Variants in ANKFN1 observed in about 807,000 individuals in gnomAD.
ANKFN1 encodes the protein ankyrin repeat and fibronectin type-III domain-containing protein 1.
Under a neutral mutation model 108.7 loss-of-function variants are expected in ANKFN1, and 74 were observed. The observed-to-expected ratio is 0.68, with a 90% CI of 0.56 to 0.83. The LOEUF (loss-of-function observed/expected upper bound fraction) is 0.83. Ranked by LOEUF, ANKFN1 falls within the 40% of genes least tolerant of loss-of-function variation. The pLI is 0.00. For synonymous variants in ANKFN1, 547 were observed against 516.2 expected, an observed-to-expected ratio of 1.06 and a Z score of -0.81; for missense variants, 1,505 against 1,382.3, an observed-to-expected ratio of 1.09 and a Z score of -1.41.
At chr17:56,487,200 T>C (rs754077254) in intron 18 of ANKFN1, among the ~76,000 whole-genome samples, 5 of 152,190 alleles carry the variant, frequency 3.3e-5, no homozygotes, top group African/African-American at 9.7e-5. Context: ...TCCACTCCTC[T>C]TTCCACAGCC....
intron 4 of ANKFN1, among the ~76,000 whole-genome samples, chr17:56,340,385 A>G (rs756043402): frequency 1.3e-5 from 2 of 151,992 alleles, no homozygotes; most frequent in East Asian, 1.9e-4. Context: ...GCCCATGCCT[A>G]TGTCCTGAAT....
chr17:56,390,221 C>T (rs2047387988), intron 8 of ANKFN1, among the ~76,000 whole-genome samples: 1 of 151,808 alleles, frequency 6.6e-6, no homozygotes, highest in Admixed American at 6.6e-5. Context: ...TGACAGACCC[C>T]AATGTGTGAT....
At chr17:56,082,683 T>C (rs1450210040) in intron 4 of ANKFN1, among the ~76,000 whole-genome samples, 1 of 152,220 alleles carries the variant, frequency 6.6e-6, no homozygotes, top group Non-Finnish European at 1.5e-5. Flanking sequence ...CAAAAGTATG[T>C]TGAGTGCCTA....
chr17:56,317,946 C>T (rs573322911), intron 3 of ANKFN1, among the ~76,000 whole-genome samples: 2 of 152,258 alleles, frequency 1.3e-5, no homozygotes, highest in South Asian at 2.1e-4. Context: ...CACATTGTCT[C>T]CCCTTGTGCT....
At chr17:56,067,255 T>G (rs956961279) in intron 4 of ANKFN1, among the ~76,000 whole-genome samples, 3 of 152,212 alleles carry the variant, frequency 2.0e-5, no homozygotes, top group African/African-American at 7.2e-5. Flanking sequence ...CCACATTTTG[T>G]TTATCAATTT....
At chr17:56,327,644 A>G (rs776764362) in intron 4 of ANKFN1, among the ~76,000 whole-genome samples, 9 of 152,168 alleles carry the variant, frequency 5.9e-5, no homozygotes, top group Non-Finnish European at 1.0e-4. Context: ...CGAGTTGCCT[A>G]CTGGTTACAG....
chr17:56,059,282 GT>G (rs562609386), intron 4 of ANKFN1, among the ~76,000 whole-genome samples: 1 of 151,994 alleles, frequency 6.6e-6, no homozygotes, highest in Non-Finnish European at 1.5e-5. Flanking sequence ...TTGAGGGGTT[GT>G]TTTTTTCTTG....
At chr17:56,240,925 T>C (rs1440095789) in intron 3 of ANKFN1, among the ~76,000 whole-genome samples, 1 of 152,174 alleles carries the variant, frequency 6.6e-6, no homozygotes, top group Non-Finnish European at 1.5e-5. Flanking sequence ...ATCTATTGTA[T>C]GTTATATGCA....
intron 4 of ANKFN1, among the ~76,000 whole-genome samples, chr17:56,078,986 C>A (rs1356591244): frequency 2.6e-5 from 4 of 152,118 alleles, no homozygotes; most frequent in Non-Finnish European, 5.9e-5. Flanking sequence ...TGGGACAAGC[C>A]AGCATTTTAG....
chr17:56,162,700 C>G (rs1003031043), intron 1 of ANKFN1, among the ~76,000 whole-genome samples: 1 of 152,142 alleles, frequency 6.6e-6, no homozygotes, highest in Non-Finnish European at 1.5e-5. Flanking sequence ...GTGGAAATAT[C>G]AATTAGCAAA....
At chr17:56,069,856 G>A (rs933049455) in intron 4 of ANKFN1, among the ~76,000 whole-genome samples, 2 of 152,170 alleles carry the variant, frequency 1.3e-5, no homozygotes, top group Non-Finnish European at 2.9e-5. Context: ...CTGCTGGTTG[G>A]TCATTTTTAT....
chr17:56,375,595 C>G lies in ANKFN1; in HGVS notation c.910+881C>G, dbSNP rs2046926459. On this transcript the variant is annotated intron_variant, in intron 8 of 20. Transcript: ENST00000682825. ...CTTTTGAAAGATTGGAGTGGTGATA[C>G]TGTGTATGATTTATTGAGAGAAATA... Among the ~76,000 whole-genome samples the G allele has an allele frequency of 1.3e-5, 2 of 152,056 alleles. 1 individual carries two copies. Among genetic ancestry groups the G allele is most frequent in the South Asian group, 4.2e-4 (2 of 4,814 alleles).
intron 3 of ANKFN1, among the ~76,000 whole-genome samples, chr17:56,291,003 G>T (rs1003556490): frequency 1.3e-5 from 2 of 152,076 alleles, no homozygotes; most frequent in Admixed American, 1.3e-4. Flanking sequence ...ATCCTAGAGA[G>T]GCAAAGAAAG....
At chr17:56,278,648 T>C (rs1173822340) in intron 3 of ANKFN1, among the ~76,000 whole-genome samples, 4 of 152,330 alleles carry the variant, frequency 2.6e-5, no homozygotes, top group African/African-American at 9.6e-5. Context: ...CCAGTATTTT[T>C]TTAAGTTCTA....
At chr17:56,214,873 A>C (rs1431370073) in intron 2 of ANKFN1, among the ~76,000 whole-genome samples, 1 of 152,238 alleles carries the variant, frequency 6.6e-6, no homozygotes, top group Non-Finnish European at 1.5e-5. Context: ...GCAAACAAAT[A>C]ATATACAGCT....
At position 56,372,504 on chromosome 17, in the gene ANKFN1, C is replaced by T. The variant is rs1354171218; in HGVS notation, c.602-142C>T. On this transcript the variant is annotated intron_variant, in intron 6 of 20. Coordinates refer to ENST00000682825, the MANE Select transcript of ANKFN1 (RefSeq NM_001370326.1). ...AATTAGACCTTATCATAGTAAGATA[C>T]TTGATAACAAACACAGATCCCACTT... 2.2e-5 allele frequency: 16 copies of T among 718,008 alleles called. No homozygotes were observed. In the East Asian group the frequency reaches 3.2e-4, roughly 14 times the overall value. 44.5% of individuals were successfully genotyped at this position (718,008 alleles called of 1,614,324 possible). A position where few individuals can be genotyped will look rare whatever the true frequency, so the allele number is the denominator to read the frequency against.
At chr17:56,425,058 G>C (rs2048517451) in intron 8 of ANKFN1, among the ~76,000 whole-genome samples, 2 of 151,866 alleles carry the variant, frequency 1.3e-5, no homozygotes, top group African/African-American at 4.8e-5. Context: ...AGAGAGCATG[G>C]CTTTTGATAT....
chr17:56,245,954 G>T (rs578007568), intron 3 of ANKFN1: 1 of 152,228 alleles, frequency 6.6e-6, no homozygotes, highest in African/African-American at 2.4e-5. Flanking sequence ...AGAGAAAAAA[G>T]CAGATGGACC....
intron 3 of ANKFN1, among the ~76,000 whole-genome samples, chr17:56,239,365 A>C (rs1042955671): frequency 6.6e-6 from 1 of 152,138 alleles, no homozygotes; most frequent in Non-Finnish European, 1.5e-5. Flanking sequence ...GCAATAGTTC[A>C]ACATAGCCAT....
Sources: allele counts gnomAD v4.1 joint callset (sites outside exome capture counted in the v4.1 genomes callset), GRCh38; gene constraint gnomAD v4.1.1; transcripts MANE v1.5; gene names NCBI Gene and HGNC (gene_info 2026-07-23, HGNC 2026-07-21).